TSPEAR: variants seen among roughly 807,000 people sequenced by gnomAD.
TSPEAR encodes thrombospondin type laminin G domain and EAR repeats.
TSPEAR carries 69 observed loss-of-function variants against 71.6 expected under a neutral mutation model. The observed-to-expected ratio is 0.96, with a 90% CI of 0.79 to 1.18. The LOEUF (loss-of-function observed/expected upper bound fraction) is 1.18. TSPEAR is among the 50% of genes most tolerant of loss of function. The pLI is 0.00. For missense variants in TSPEAR, 971 were observed against 894.9 expected (o/e 1.09, Z -1.09); for synonymous variants, 402 against 387.2 (o/e 1.04, Z -0.45).
At chr21:44,653,029 G>A (rs1261713747) in intron 1 of TSPEAR, among the ~76,000 whole-genome samples, 1 of 152,046 alleles carries the variant, frequency 6.6e-6, no homozygotes, top group Non-Finnish European at 1.5e-5. Flanking sequence ...GTGGCGGCGG[G>A]CACCTGTAGT....
chr21:44,586,035 T>C (rs1047043934), intron 1 of TSPEAR, among the ~76,000 whole-genome samples: 3 of 152,238 alleles, frequency 2.0e-5, no homozygotes, highest in Admixed American at 1.3e-4. Context: ...CATCCAGAAC[T>C]TCCTGGGGTG....
intron 1 of TSPEAR, among the ~76,000 whole-genome samples, chr21:44,634,594 T>C (rs1036458012): frequency 2.0e-5 from 3 of 152,082 alleles, no homozygotes; most frequent in African/African-American, 7.2e-5. Flanking sequence ...CTGATAAGGA[T>C]CTAACACCCA....
chr21:44,528,968 C>T (rs1555915339), intron 5 of TSPEAR, among the ~76,000 whole-genome samples: 1 of 152,222 alleles, frequency 6.6e-6, no homozygotes, highest in African/African-American at 2.4e-5. Flanking sequence ...TTGGCTTGAA[C>T]CTGTGGCGGT....
intron 1 of TSPEAR, chr21:44,601,425 C>A: frequency 1.2e-6 from 2 of 1,610,870 alleles, no homozygotes; most frequent in Non-Finnish European, 1.7e-6. Context: ...GCTGCGTGCC[C>A]GTCTGCTGTA....
intron 1 of TSPEAR, among the ~76,000 whole-genome samples, chr21:44,691,219 A>G (rs1987111476): frequency 6.6e-6 from 1 of 152,080 alleles, no homozygotes; most frequent in African/African-American, 2.4e-5. Flanking sequence ...TCTCTCCCCA[A>G]GCTCTAAGAG....
chr21:44,571,484 G>A (rs2053796057), intron 1 of TSPEAR, among the ~76,000 whole-genome samples: 1 of 152,232 alleles, frequency 6.6e-6, no homozygotes, highest in South Asian at 2.1e-4. Context: ...TCTGTCTCCT[G>A]GGAGGGCTGG....
intron 1 of TSPEAR, among the ~76,000 whole-genome samples, chr21:44,646,247 A>C (rs2146238161): frequency 6.6e-6 from 1 of 152,254 alleles, no homozygotes; most frequent in African/African-American, 2.4e-5. Flanking sequence ...TAAGGGAAAA[A>C]CAAAGAGATA....
chr21:44,499,505 AT>A lies in TSPEAR; in HGVS notation c.*277del. The A allele has an allele frequency of 2.3e-6, 1 of 425,742 alleles. No individual in the cohort carries two copies. The highest frequency in any genetic ancestry group is 4.2e-6 in the Non-Finnish European group (1 of 239,052). 26.4% of individuals were successfully genotyped at this position (425,742 alleles called of 1,614,324 possible). On this transcript the variant is annotated 3_prime_UTR_variant, in exon 12 of 12. Coordinates refer to ENST00000323084, the MANE Select transcript of TSPEAR (RefSeq NM_144991.3). ...ATAGAAACGGTTCCTTGACAGCGAAATCCCCGCTTGACACTCAGATGGGCGA... is the reference window on the plus strand; with the variant it reads ...ATAGAAACGGTTCCTTGACAGCGAAACCCCGCTTGACACTCAGATGGGCGA...
At chr21:44,639,662 T>C (rs1983908900) in intron 1 of TSPEAR, among the ~76,000 whole-genome samples, 1 of 152,156 alleles carries the variant, frequency 6.6e-6, no homozygotes, top group African/African-American at 2.4e-5. Flanking sequence ...TCATCCTAGG[T>C]CTCCGGGGCC....
chr21:44,634,709 A>G (rs7509675), intron 1 of TSPEAR, among the ~76,000 whole-genome samples: 96,331 of 152,022 alleles, frequency 0.63, 30,892 homozygotes, highest in Admixed American at 0.69. Flanking sequence ...ATGCAAATGG[A>G]TGATACACGC....
chr21:44,538,801 T>C (rs1460173513), intron 2 of TSPEAR, among the ~76,000 whole-genome samples: 5 of 152,298 alleles, frequency 3.3e-5, no homozygotes, highest in Admixed American at 1.3e-4. Flanking sequence ...GGGGCTGAGC[T>C]GGGACTGAGC....
In TSPEAR at chr21:44,533,777, C is replaced by A. The variant is rs782696528; in HGVS notation, c.450G>T (p.Pro150=). The change falls in exon 3 of 12, where the codon CCG becomes CCT. Residue 150 remains proline (P), a synonymous_variant. Coordinates refer to ENST00000323084, the MANE Select transcript of TSPEAR (RefSeq NM_144991.3). ...AWQTRVSFRS[P]ALVDGRWHTL... ...TGTGCCAGCGGCCATCCACCAGGGCCGGGCTGCGGAAGGACACTCGGGTCT... is the reference window on the plus strand; with the variant it reads ...TGTGCCAGCGGCCATCCACCAGGGCAGGGCTGCGGAAGGACACTCGGGTCT... 1 of 1,612,440 alleles carries A rather than the reference C, an allele frequency of 6.2e-7. No individual in the cohort carries two copies.
chr21:44,549,768 T>C (rs2053369645), intron 2 of TSPEAR, among the ~76,000 whole-genome samples: 1 of 152,252 alleles, frequency 6.6e-6, no homozygotes. Flanking sequence ...TGTCCTGCAC[T>C]TCCTCTGCCA....
rs2051968350 is a variant in TSPEAR at position 44,498,412 on chromosome 21, AG to A, written c.*1370del. On this transcript the variant is annotated 3_prime_UTR_variant, in exon 12 of 12. Coordinates refer to ENST00000323084, the MANE Select transcript of TSPEAR (RefSeq NM_144991.3). Reference sequence around the variant, plus strand: ...TGGGAAAGCCTTGCTGGCTGGACGGAGGGGAAGGAGGCTCTCGGCGACTGCC... The same window carrying A: ...TGGGAAAGCCTTGCTGGCTGGACGGAGGGAAGGAGGCTCTCGGCGACTGCC... 6.6e-6 allele frequency: 1 copy of A among 152,136 alleles called. No homozygotes were observed. Among genetic ancestry groups the A allele is most frequent in the African/African-American group, 2.4e-5 (1 of 41,418 alleles). 9.4% of individuals were successfully genotyped at this position (152,136 alleles called of 1,614,324 possible). A position where few individuals can be genotyped will look rare whatever the true frequency, so the allele number is the denominator to read the frequency against.
chr21:44,514,053 G>A (rs1191724814), intron 9 of TSPEAR, among the ~76,000 whole-genome samples: 1 of 152,194 alleles, frequency 6.6e-6, no homozygotes, highest in Non-Finnish European at 1.5e-5. Flanking sequence ...AAGCTGCCTA[G>A]GCCACTGCCA....
chr21:44,605,500 G>GTT (rs1320897230), intron 1 of TSPEAR, among the ~76,000 whole-genome samples: 3 of 152,134 alleles, frequency 2.0e-5, no homozygotes, highest in Admixed American at 2.0e-4. Context: ...AGCCAACACA[G>GTT]TTTTGAGTAG....
intron 2 of TSPEAR, among the ~76,000 whole-genome samples, chr21:44,563,124 A>G (rs1189719182): frequency 3.9e-5 from 6 of 152,158 alleles, no homozygotes; most frequent in Non-Finnish European, 7.4e-5. Context: ...ATATCGTGCA[A>G]AGGAAGTTAC....
chr21:44,699,575 G>A (rs782235333), intron 1 of TSPEAR, among the ~76,000 whole-genome samples: 22 of 152,008 alleles, frequency 1.4e-4, no homozygotes, highest in Non-Finnish European at 2.9e-4. Context: ...CAAGAACTGC[G>A]GTGCTCAGGT....
Position 44,539,964 on chromosome 21 carries a change from C to T in TSPEAR, c.304-6041G>A, listed in dbSNP as rs769653773. 68 of 1,613,282 alleles carry T rather than the reference C, an allele frequency of 4.2e-5. No homozygotes were observed. Among genetic ancestry groups the T allele is most frequent in the Non-Finnish European group, 5.3e-5 (62 of 1,179,938 alleles). ...CAGCCTGATTGGCAGGGGCTGGGCT[C>T]ACAGGCTGCCTGGCAGCAGGGGCTG... On this transcript the variant is annotated intron_variant, in intron 2 of 11. Transcript: ENST00000323084.
Sources: allele counts gnomAD v4.1 joint callset (sites outside exome capture counted in the v4.1 genomes callset), GRCh38; gene constraint gnomAD v4.1.1; transcripts MANE v1.5; gene names NCBI Gene and HGNC (gene_info 2026-07-23, HGNC 2026-07-21).